Variants in TEX55 observed in about 807,000 individuals in gnomAD.
The protein encoded by TEX55 is testis expressed 55.
Under a neutral mutation model 44.6 loss-of-function variants are expected in TEX55, and 31 were observed. The ratio of observed to expected loss-of-function variants is 0.69; its 90% confidence interval spans 0.52 to 0.94. The LOEUF (loss-of-function observed/expected upper bound fraction) is 0.94, where lower values mean the gene tolerates loss of function less well. TEX55 is among the 40% of genes least tolerant of loss of function. The pLI is 0.00. For synonymous variants in TEX55, 230 were observed against 230.9 expected (o/e 1.00, Z 0.04); for missense variants, 639 against 638.4 (o/e 1.00, Z -0.01).
Position 119,146,863 on chromosome 3 carries a change from A to G in TEX55, c.674A>G (p.Gln225Arg). 6.2e-7 allele frequency: 1 copy of G among 1,614,234 alleles called. No individual in the cohort carries two copies. The highest frequency in any genetic ancestry group is 8.5e-7 in the Non-Finnish European group (1 of 1,180,036). Residue 225 changes from glutamine (Q) to arginine (R), a missense_variant, in exon 1 of 3, where the codon CAG becomes CGG. By Grantham distance (43) the Gln-to-Arg change is conservative. Coordinates refer to ENST00000295622, the MANE Select transcript of TEX55 (RefSeq NM_152539.3). ...CTATCTGAGAGAAGACCTTCTGTGCAGATTGACAGTGGGTCATCCGTCCCA... is the reference window on the plus strand; with the variant it reads ...CTATCTGAGAGAAGACCTTCTGTGCGGATTGACAGTGGGTCATCCGTCCCA... The part of the protein sequence containing the change: ...SKLSERRPSV[Q>R]IDSGSSVPSD...
chr3:119,151,378 C>T lies in TEX55; in HGVS notation c.*86C>T. On this transcript the variant is annotated 3_prime_UTR_variant, in exon 3 of 3. Coordinates refer to ENST00000295622, the MANE Select transcript of TEX55 (RefSeq NM_152539.3). ...CAAAGTGTATAGAACAAAGTACGTA[C>T]AACTCTGAATTCTTATGAAGTAAAC... 9.3e-7 allele frequency: 1 copy of T among 1,074,626 alleles called. No homozygotes were observed. The highest frequency in any genetic ancestry group is 2.5e-5 in the East Asian group (1 of 40,432). 66.6% of individuals were successfully genotyped at this position (1,074,626 alleles called of 1,614,324 possible).
In TEX55 at chr3:119,146,925, T is replaced by C. The variant is rs997743265; in HGVS notation, c.736T>C (p.Ser246Pro). 2.5e-6 allele frequency: 4 copies of C among 1,613,912 alleles called. No individual in the cohort carries two copies. Among genetic ancestry groups the C allele is most frequent in the Non-Finnish European group, 3.4e-6 (4 of 1,179,794 alleles). Reference protein sequence around the residue: ...QSPSVQIDSGSSVPSDQRPSV... With the variant: ...QSPSVQIDSGPSVPSDQRPSV... Reference sequence around the variant, plus strand: ...TCCTTCTGTACAGATTGACAGTGGATCGTCCGTACCATCTGACCAAAGACC... The same window carrying C: ...TCCTTCTGTACAGATTGACAGTGGACCGTCCGTACCATCTGACCAAAGACC... The change falls in exon 1 of 3, where the codon TCG becomes CCG. Residue 246 changes from serine (S) to proline (P), a missense_variant. Coordinates refer to ENST00000295622, the MANE Select transcript of TEX55 (RefSeq NM_152539.3).
intron 2 of TEX55, among the ~76,000 whole-genome samples, chr3:119,150,419 A>G (rs916668868): frequency 2.6e-5 from 4 of 152,120 alleles, no homozygotes; most frequent in Non-Finnish European, 5.9e-5. Flanking sequence ...TATAAAATAC[A>G]TAATGGAATG....
chr3:119,147,107 TCAC>T lies in TEX55; in HGVS notation c.924_926del (p.His308del). 1 of 1,614,100 alleles carries T rather than the reference TCAC, an allele frequency of 6.2e-7. No individual in the cohort carries two copies. Among genetic ancestry groups the T allele is most frequent in the Non-Finnish European group, 8.5e-7 (1 of 1,180,010 alleles). On this transcript the variant is annotated inframe_deletion, in exon 1 of 3. Transcript: ENST00000295622. ...TTGACCACAAAACATCTGTAAAGAC[TCAC>T]CACCAAGTGTACGGCCAAGCCACTG...
chr3:119,148,373 A>G lies in TEX55; in HGVS notation c.1542+50A>G, dbSNP rs2077750731. ...AATTATAAGTTTTTCAAGAGGTACA[A>G]GAAAGAGTGTATTCTGTAAAAAGGG... On this transcript the variant is annotated intron_variant, in intron 2 of 2. Coordinates refer to ENST00000295622, the MANE Select transcript of TEX55 (RefSeq NM_152539.3). 2.6e-6 allele frequency: 4 copies of G among 1,534,826 alleles called. No individual in the cohort carries two copies. In the South Asian group the frequency reaches 4.7e-5, roughly 18 times the overall value.
intron 2 of TEX55, 98 bp downstream of exon 2, chr3:119,148,421 A>G (rs2077751328): frequency 2.6e-6 from 3 of 1,137,508 alleles, no homozygotes; most frequent in South Asian, 1.5e-5. Flanking sequence ...TGAGAAGACA[A>G]TAAGTGCATT....
rs1387186791 is a variant in TEX55 at position 119,146,975 on chromosome 3, G to A, written c.786G>A (p.Met262Ile). The A allele has an allele frequency of 1.2e-6, 2 of 1,614,254 alleles. No homozygotes were observed. Among genetic ancestry groups the A allele is most frequent in the Non-Finnish European group, 1.7e-6 (2 of 1,180,046 alleles). ...QRPSVQIDRRMSGKVRRRSSE... is the reference protein window; with the variant it reads ...QRPSVQIDRRISGKVRRRSSE... ...CTTCCGTACAGATTGACCGCAGAATGTCAGGGAAAGTTAGGAGAAGAAGTT... is the reference window on the plus strand; with the variant it reads ...CTTCCGTACAGATTGACCGCAGAATATCAGGGAAAGTTAGGAGAAGAAGTT... The change falls in exon 1 of 3, where the codon ATG becomes ATA. Residue 262 changes from methionine (M) to isoleucine (I), a missense_variant. Transcript: ENST00000295622.
At position 119,146,999 on chromosome 3, in the gene TEX55, T is replaced by A; in HGVS notation, c.810T>A (p.Ser270Arg). 6.2e-7 allele frequency: 1 copy of A among 1,614,134 alleles called. No homozygotes were observed. Among genetic ancestry groups the A allele is most frequent in the African/African-American group, 1.3e-5 (1 of 75,030 alleles). Residue 270 changes from serine to arginine, a missense_variant, in exon 1 of 3, where the codon AGT (serine) becomes AGA (arginine). By Grantham distance (110) the Ser-to-Arg change is moderately radical (BLOSUM62 -1). Coordinates refer to ENST00000295622, the MANE Select transcript of TEX55 (RefSeq NM_152539.3). ...TGTCAGGGAAAGTTAGGAGAAGAAG[T>A]TCTGAGAAGACTGACTACAGATTGG... Reference protein sequence around the residue: ...RRMSGKVRRRSSEKTDYRLAG... With the variant: ...RRMSGKVRRRRSEKTDYRLAG...
chr3:119,146,530 C>G lies in TEX55; in HGVS notation c.341C>G (p.Thr114Ser). Residue 114 changes from threonine (T) to serine (S), a missense_variant, in exon 1 of 3, where the codon ACT (threonine) becomes AGT (serine). Physicochemically the swap from Thr to Ser is moderately conservative, Grantham distance 58. Transcript: ENST00000295622. ...GTTAATCAAACACCGTCTGAACAGA[C>G]TAAAGGCAAGGCATCTAGCCAAGCT... ...DQVNQTPSEQTKGKASSQANN... is the reference protein window; with the variant it reads ...DQVNQTPSEQSKGKASSQANN... 2 of 1,613,980 alleles carry G rather than the reference C, an allele frequency of 1.2e-6. No individual in the cohort carries two copies. Among genetic ancestry groups the G allele is most frequent in the Middle Eastern group, 1.6e-4 (1 of 6,062 alleles).
In TEX55 at chr3:119,148,339, C is replaced by A; in HGVS notation, c.1542+16C>A. The A allele has an allele frequency of 6.2e-7, 1 of 1,604,488 alleles. No individual in the cohort carries two copies. Among genetic ancestry groups the A allele is most frequent in the Non-Finnish European group, 8.5e-7 (1 of 1,176,778 alleles). On this transcript the variant is annotated intron_variant, in intron 2 of 2. Coordinates refer to ENST00000295622, the MANE Select transcript of TEX55 (RefSeq NM_152539.3). ...AATATTCCAGGTAAACCTCTCAATTCCTCTCTTTAATTATAAGTTTTTCAA... is the reference window on the plus strand; with the variant it reads ...AATATTCCAGGTAAACCTCTCAATTACTCTCTTTAATTATAAGTTTTTCAA...
rs2077736572 is a variant in TEX55, at chr3:119,147,205, A to T, written c.1016A>T (p.His339Leu). 1 of 1,614,054 alleles carries T rather than the reference A, an allele frequency of 6.2e-7. No homozygotes were observed. ...GATCAACCTCCAGTTGACAATGCTC[A>T]CTACACTGAATCTGACCAGACTGAC... ...NADQPPVDNA[H>L]YTESDQTDHL... The change falls in exon 1 of 3, where the codon CAC becomes CTC. Residue 339 changes from histidine to leucine, a missense_variant. By Grantham distance (99) the His-to-Leu change is moderately conservative. Transcript: ENST00000295622.
At chr3:119,149,125 C>T (rs2077758249) in intron 2 of TEX55, among the ~76,000 whole-genome samples, 1 of 151,848 alleles carries the variant, frequency 6.6e-6, no homozygotes, top group Admixed American at 6.6e-5. Context: ...CTTACTGTAG[C>T]TTTTTTACTT....
chr3:119,151,078 CT>C lies in TEX55; in HGVS notation c.1543-144del, dbSNP rs1057392329. 5.0e-5 allele frequency: 32 copies of C among 638,314 alleles called. No individual in the cohort carries two copies. The African/African-American group carries it at 5.3e-4, about 11-fold the overall frequency. The allele number at this position is 638,314 out of a possible 1,614,324, so 39.5% of individuals were successfully genotyped here. ...CTATGATAGTACCACTGCATTCCAT[CT>C]TGGGTGACAGAGTGGGAACCCATCT... is the stretch of plus-strand genomic sequence containing the variant. On this transcript the variant is annotated intron_variant, in intron 2 of 2. Coordinates refer to ENST00000295622, the MANE Select transcript of TEX55 (RefSeq NM_152539.3).
rs2077737596 is a variant in TEX55, at chr3:119,147,323, C to CT, written c.1134_1135insT (p.Asn379Ter). On this transcript the variant is annotated frameshift_variant, in exon 1 of 3. Transcript: ENST00000295622. LOFTEE classifies it high-confidence loss of function. ...AAGACAGAATATTTCCCCAGTTAGG[C>CT]AACAGCAAAGAGGACAAAGAGGCTG... 1 of 1,614,192 alleles carries CT rather than the reference C, an allele frequency of 6.2e-7. No individual in the cohort carries two copies. Among genetic ancestry groups the CT allele is most frequent in the African/African-American group, 1.3e-5 (1 of 75,056 alleles).
In TEX55 at chr3:119,146,486, C is replaced by T. The variant is rs2077726712; in HGVS notation, c.297C>T (p.Asp99=). 6.2e-7 allele frequency: 1 copy of T among 1,614,046 alleles called. No individual in the cohort carries two copies. Among genetic ancestry groups the T allele is most frequent in the South Asian group, 1.1e-5 (1 of 91,084 alleles). The change falls in exon 1 of 3, where the codon GAC becomes GAT. Residue 99 remains aspartate (D), a synonymous_variant. Coordinates refer to ENST00000295622, the MANE Select transcript of TEX55 (RefSeq NM_152539.3). The part of the protein sequence containing the change: ...RRASNPADVS[D]LRADDQVNQT... ...CATCCAACCCTGCTGATGTTTCTGA[C>T]CTTAGAGCAGATGATCAGGTTAATC...
Position 119,146,412 on chromosome 3 carries a change from G to GT in TEX55, c.224dup (p.Ala76SerfsTer2). ...CATATTTAGCCAAGCTACCAACGGA[G>GT]TAGCTGAACAAAATGGGCATAGTAC... On this transcript the variant is annotated frameshift_variant, in exon 1 of 3. Coordinates refer to ENST00000295622, the MANE Select transcript of TEX55 (RefSeq NM_152539.3). LOFTEE classifies it high-confidence loss of function. The GT allele has an allele frequency of 6.2e-7, 1 of 1,614,196 alleles. No individual in the cohort carries two copies. Among genetic ancestry groups the GT allele is most frequent in the Non-Finnish European group, 8.5e-7 (1 of 1,180,024 alleles).
chr3:119,149,611 T>G (rs1043972163), intron 2 of TEX55, among the ~76,000 whole-genome samples: 3 of 152,224 alleles, frequency 2.0e-5, no homozygotes, highest in African/African-American at 7.2e-5. Flanking sequence ...TAACTTCGTG[T>G]GCTATATTTT....
In TEX55 at chr3:119,146,876, G is replaced by T; in HGVS notation, c.687G>T (p.Gly229=). 6.2e-7 allele frequency: 1 copy of T among 1,614,050 alleles called. No homozygotes were observed. The highest frequency in any genetic ancestry group is 1.6e-4 in the Middle Eastern group (1 of 6,062). Residue 229 remains glycine (G), a synonymous_variant, in exon 1 of 3, where the codon GGG becomes GGT. Coordinates refer to ENST00000295622, the MANE Select transcript of TEX55 (RefSeq NM_152539.3). ...GACCTTCTGTGCAGATTGACAGTGG[G>T]TCATCCGTCCCATCTGACCAAAGTC... The part of the protein sequence containing the change: ...ERRPSVQIDS[G]SSVPSDQSPS...
Position 119,147,601 on chromosome 3 carries a change from G to T in TEX55, c.1398+14G>T. ...GTAACCAAATCTGTAAGTTAAATGGGCATTTGATACCTACCTGGGAGATCA... is the reference window on the plus strand; with the variant it reads ...GTAACCAAATCTGTAAGTTAAATGGTCATTTGATACCTACCTGGGAGATCA... On this transcript the variant is annotated intron_variant, in intron 1 of 2. Coordinates refer to ENST00000295622, the MANE Select transcript of TEX55 (RefSeq NM_152539.3). 1.2e-6 allele frequency: 2 copies of T among 1,602,220 alleles called. No homozygotes were observed. Among genetic ancestry groups the T allele is most frequent in the Non-Finnish European group, 1.7e-6 (2 of 1,172,936 alleles).
Sources: allele counts gnomAD v4.1 joint callset (sites outside exome capture counted in the v4.1 genomes callset), GRCh38; gene constraint gnomAD v4.1.1; transcripts MANE v1.5; gene names NCBI Gene and HGNC (gene_info 2026-07-23, HGNC 2026-07-21).